Variants in KCNH5 observed in about 807,000 individuals in gnomAD.
KCNH5 encodes the protein potassium voltage-gated channel subfamily H member 5.
Under a neutral mutation model 96.1 loss-of-function variants are expected in KCNH5, and 46 were observed. The observed-to-expected ratio is 0.48, with a 90% CI of 0.38 to 0.61. KCNH5 has a LOEUF of 0.61. Among genes scored for constraint, KCNH5 ranks in the 20% least tolerant of loss-of-function variants. KCNH5 has a pLI of 0.00. For synonymous variants in KCNH5, 439 were observed against 449.8 expected (o/e 0.98, Z 0.30); for missense variants, 907 against 1,225.8 (o/e 0.74, Z 3.88).
intron 5 of KCNH5, among the ~76,000 whole-genome samples, chr14:62,983,130 G>C (rs1002159363): frequency 2.6e-5 from 4 of 152,114 alleles, no homozygotes; most frequent in Admixed American, 2.0e-4. Context: ...AACAAACTCA[G>C]TACCAGGGTG....
At chr14:62,734,994 A>G (rs1419138992) in intron 10 of KCNH5, among the ~76,000 whole-genome samples, 1 of 152,188 alleles carries the variant, frequency 6.6e-6, no homozygotes. Context: ...CTATGTACTC[A>G]TTTGAAGTCA....
intron 8 of KCNH5, among the ~76,000 whole-genome samples, chr14:62,817,555 A>G (rs1015049008): frequency 1.3e-5 from 2 of 150,194 alleles, no homozygotes; most frequent in Non-Finnish European, 3.0e-5. Context: ...TGATGGGAAT[A>G]GCCAGCAGGC....
chr14:63,002,799 G>A (rs1468418624), intron 3 of KCNH5, among the ~76,000 whole-genome samples: 4 of 152,168 alleles, frequency 2.6e-5, no homozygotes, highest in African/African-American at 9.6e-5. Flanking sequence ...ACCCCAGGGG[G>A]CCTATGGAAG....
intron 6 of KCNH5, among the ~76,000 whole-genome samples, chr14:62,961,957 A>C (rs1890218614): frequency 6.8e-6 from 1 of 146,872 alleles, no homozygotes; most frequent in Non-Finnish European, 1.5e-5. Flanking sequence ...AGATGGAGTT[A>C]CAGATGGAGA....
intron 1 of KCNH5, among the ~76,000 whole-genome samples, chr14:63,035,412 CT>C (rs1448625862): frequency 6.6e-6 from 1 of 152,188 alleles, no homozygotes; most frequent in Admixed American, 6.5e-5. Flanking sequence ...AGGCTTTCTC[CT>C]GTATGTTTTT....
At chr14:62,722,097 G>A (rs4899094) in intron 10 of KCNH5, among the ~76,000 whole-genome samples, 141,470 of 152,254 alleles carry the variant, frequency 0.93, 66,378 homozygotes, top group Non-Finnish European at 1. Flanking sequence ...AGTTCTTAGC[G>A]TTGAATTTGT....
At chr14:62,873,160 A>T (rs1226646627) in intron 7 of KCNH5, among the ~76,000 whole-genome samples, 2 of 152,208 alleles carry the variant, frequency 1.3e-5, no homozygotes, top group Admixed American at 1.3e-4. Flanking sequence ...AAAAAAAAAA[A>T]AAAGAAGAAG....
chr14:62,843,392 A>T, intron 8 of KCNH5, among the ~76,000 whole-genome samples: 1 of 146,454 alleles, frequency 6.8e-6, no homozygotes, highest in East Asian at 2.0e-4. Context: ...TTATATTCAC[A>T]TGGATATATT....
chr14:62,939,069 G>A (rs1049681234), intron 7 of KCNH5, among the ~76,000 whole-genome samples: 2 of 152,226 alleles, frequency 1.3e-5, no homozygotes, highest in Non-Finnish European at 2.9e-5. Context: ...GACCCCATGA[G>A]TTCCCCATGT....
chr14:63,044,813 T>C (rs1296498179), intron 1 of KCNH5, among the ~76,000 whole-genome samples: 1 of 152,118 alleles, frequency 6.6e-6, no homozygotes, highest in African/African-American at 2.4e-5. Flanking sequence ...AAAGCAAAAC[T>C]CAACTCTATG....
intron 7 of KCNH5, among the ~76,000 whole-genome samples, chr14:62,853,337 C>T (rs189700822): frequency 6.0e-4 from 91 of 151,310 alleles, no homozygotes; most frequent in African/African-American, 1.9e-3. Context: ...AAAAGGGTTG[C>T]GCTAAATGAG....
At chr14:62,759,646 C>T (rs1885705066) in intron 10 of KCNH5, among the ~76,000 whole-genome samples, 1 of 151,292 alleles carries the variant, frequency 6.6e-6, no homozygotes, top group South Asian at 2.1e-4. Context: ...TGAATTTTTA[C>T]AGTCCTTTCT....
chr14:62,884,090 A>C (rs760359926), intron 7 of KCNH5, among the ~76,000 whole-genome samples: 2 of 152,142 alleles, frequency 1.3e-5, no homozygotes, highest in Non-Finnish European at 2.9e-5. Context: ...GTACTGCAGA[A>C]ATGGGAAGTT....
chr14:62,987,333 G>C, intron 4 of KCNH5, 146 bp from the exon 5 acceptor site: 1 of 626,680 alleles, frequency 1.6e-6, no homozygotes, highest in Admixed American at 2.7e-5. Context: ...CTTTCCTTCT[G>C]TATAGACATG....
Position 63,001,306 on chromosome 14 carries a change from G to C in KCNH5, c.433+25C>G, listed in dbSNP as rs749721980. The stretch of plus-strand genomic sequence containing the variant: ...CTTTTAGCAACAGCCTAATTTTTCA[G>C]TGTAGTAATTCTTTTGAAAATTACC... On this transcript the variant is annotated intron_variant, in intron 4 of 10. Transcript: ENST00000322893. 5.7e-6 allele frequency: 9 copies of C among 1,576,646 alleles called. No homozygotes were observed. In the South Asian group the frequency reaches 1.1e-4, roughly 19 times the overall value.
intron 8 of KCNH5, among the ~76,000 whole-genome samples, chr14:62,831,583 C>A (rs1230135096): frequency 6.6e-6 from 1 of 152,156 alleles, no homozygotes; most frequent in Non-Finnish European, 1.5e-5. Flanking sequence ...ATATTTCTTA[C>A]TGATTTTCAA....
At chr14:62,714,974 T>C (rs1167445984) in intron 10 of KCNH5, among the ~76,000 whole-genome samples, 2 of 152,180 alleles carry the variant, frequency 1.3e-5, no homozygotes, top group East Asian at 3.9e-4. Flanking sequence ...CTGTACTGTT[T>C]CTATCAGCAA....
chr14:62,741,449 CA>C (rs765776265), intron 10 of KCNH5, among the ~76,000 whole-genome samples: 7 of 152,074 alleles, frequency 4.6e-5, no homozygotes, highest in Non-Finnish European at 1.0e-4. Context: ...TATACCAAAC[CA>C]ACTGTGAATC....
intron 4 of KCNH5, among the ~76,000 whole-genome samples, chr14:62,992,387 T>A (rs1048788396): frequency 4.6e-5 from 7 of 152,060 alleles, no homozygotes; most frequent in Admixed American, 4.6e-4. Context: ...TTTTAGTTGT[T>A]TGAGAAATCT....
Sources: allele counts gnomAD v4.1 joint callset (sites outside exome capture counted in the v4.1 genomes callset), GRCh38; gene constraint gnomAD v4.1.1; transcripts MANE v1.5; gene names NCBI Gene and HGNC (gene_info 2026-07-23, HGNC 2026-07-21).